CAMTA1: variants seen among roughly 807,000 people sequenced by gnomAD.
CAMTA1 encodes calmodulin-binding transcription activator 1.
CAMTA1 carries 27 observed loss-of-function variants against 170.9 expected under a neutral mutation model. The observed-to-expected ratio is 0.16, with a 90% CI of 0.12 to 0.22. The LOEUF (loss-of-function observed/expected upper bound fraction) is 0.22. Among genes scored for constraint, CAMTA1 ranks in the 10% least tolerant of loss-of-function variants. The pLI, the probability that CAMTA1 is intolerant of heterozygous loss-of-function variation, is 1.00. For missense variants in CAMTA1, 1,619 were observed against 2,217.2 expected, an observed-to-expected ratio of 0.73 and a Z score of 5.42; for synonymous variants, 833 against 891.5, an observed-to-expected ratio of 0.93 and a Z score of 1.17.
chr1:6,822,340 A>G (rs1244211795), intron 2 of CAMTA1, among the ~76,000 whole-genome samples: 2 of 152,212 alleles, frequency 1.3e-5, no homozygotes, highest in African/African-American at 4.8e-5. Context: ...TTTCCAGTGT[A>G]AAATCAAAGT....
chr1:7,220,496 C>G (rs1660557299), intron 4 of CAMTA1, among the ~76,000 whole-genome samples: 2 of 152,140 alleles, frequency 1.3e-5, no homozygotes, highest in Admixed American at 1.3e-4. Context: ...CGGGAGCGTT[C>G]AGATCCCTGA....
At chr1:7,437,998 G>A (rs535768749) in intron 5 of CAMTA1, among the ~76,000 whole-genome samples, 5 of 152,320 alleles carry the variant, frequency 3.3e-5, no homozygotes, top group African/African-American at 9.6e-5. Context: ...GTCACGTGAC[G>A]GGAAATCACA....
intron 9 of CAMTA1, among the ~76,000 whole-genome samples, chr1:7,668,018 A>C (rs1046386938): frequency 2.0e-5 from 3 of 152,136 alleles, no homozygotes; most frequent in African/African-American, 7.2e-5. Flanking sequence ...TGGGTTCTAC[A>C]GGAGAGAGCA....
intron 4 of CAMTA1, among the ~76,000 whole-genome samples, chr1:7,213,839 A>G (rs1010397244): frequency 2.6e-5 from 4 of 151,106 alleles, no homozygotes; most frequent in African/African-American, 4.9e-5. Context: ...ATTCCCACCT[A>G]TGAGTGAGAA....
chr1:7,075,221 G>A (rs568744671), intron 3 of CAMTA1, among the ~76,000 whole-genome samples: 1 of 152,264 alleles, frequency 6.6e-6, no homozygotes, highest in South Asian at 2.1e-4. Context: ...GTAGAAAGAA[G>A]AAACTGGGCC....
intron 4 of CAMTA1, among the ~76,000 whole-genome samples, chr1:7,243,156 G>A (rs2412151): frequency 1.3e-5 from 2 of 151,566 alleles, no homozygotes; most frequent in African/African-American, 4.8e-5. Context: ...TCTCATACGT[G>A]TTAATAGCTG....
chr1:7,028,611 G>A (rs1448435201), intron 3 of CAMTA1, among the ~76,000 whole-genome samples: 2 of 152,184 alleles, frequency 1.3e-5, no homozygotes, highest in Non-Finnish European at 2.9e-5. Flanking sequence ...ACTCTTGGCT[G>A]CCATGCCCCA....
At chr1:7,487,660 C>T (rs765605784) in intron 6 of CAMTA1, among the ~76,000 whole-genome samples, 5 of 152,286 alleles carry the variant, frequency 3.3e-5, no homozygotes, top group African/African-American at 1.2e-4. Flanking sequence ...TCTCTGGTCC[C>T]GCACAGGGCC....
intron 6 of CAMTA1, among the ~76,000 whole-genome samples, chr1:7,499,181 A>T (rs2093915571): frequency 9.1e-6 from 1 of 110,234 alleles, no homozygotes; most frequent in Non-Finnish European, 1.9e-5. Context: ...TGTGTCCATG[A>T]GTGTGCAGAG....
intron 3 of CAMTA1, among the ~76,000 whole-genome samples, chr1:6,846,283 A>C (rs537666274): frequency 6.6e-6 from 1 of 152,242 alleles, no homozygotes; most frequent in African/African-American, 2.4e-5. Context: ...TAAAACTTTC[A>C]TATCAAATCT....
chr1:7,720,337 G>C (rs2096641325), intron 11 of CAMTA1, among the ~76,000 whole-genome samples: 1 of 152,148 alleles, frequency 6.6e-6, no homozygotes, highest in Admixed American at 6.5e-5. Flanking sequence ...CTCTTGAAAA[G>C]GGGGAACATC....
At chr1:7,304,062 AG>A in intron 5 of CAMTA1, among the ~76,000 whole-genome samples, 2 of 134,904 alleles carry the variant, frequency 1.5e-5, no homozygotes, top group East Asian at 4.6e-4. Context: ...GGGCTGGGGG[AG>A]GGGAGGGAGA....
At chr1:7,553,162 CATGA>C (rs930101406) in intron 6 of CAMTA1, among the ~76,000 whole-genome samples, 12 of 151,984 alleles carry the variant, frequency 7.9e-5, no homozygotes, top group Admixed American at 4.6e-4. Flanking sequence ...TGAGTGAATG[CATGA>C]ATGAATGAGT....
At position 7,732,065 on chromosome 1, in the gene CAMTA1, T is replaced by G. The variant is rs1264718686; in HGVS notation, c.2915-383T>G. On this transcript the variant is annotated intron_variant, in intron 11 of 22. Transcript: ENST00000303635. The surrounding 1 kb of genome is among the most constrained non-coding windows in gnomAD (Gnocchi z 4.1). The stretch of plus-strand genomic sequence containing the variant: ...CCTTCCTTTCTTGCTGTGATTGCTT[T>G]CTTCTACTAGTTTAATTTAAATTGT... Among the ~76,000 whole-genome samples, 1 of 152,100 alleles carries G rather than the reference T, an allele frequency of 6.6e-6. No individual in the cohort carries two copies. Among genetic ancestry groups the G allele is most frequent in the Non-Finnish European group, 1.5e-5 (1 of 68,016 alleles).
chr1:6,975,134 A>G (rs1693186409), intron 3 of CAMTA1, among the ~76,000 whole-genome samples: 1 of 152,182 alleles, frequency 6.6e-6, no homozygotes, highest in South Asian at 2.1e-4. Flanking sequence ...CTCGAGTCAC[A>G]CCAGAGCTGG....
At chr1:7,231,397 T>G (rs1662801663) in intron 4 of CAMTA1, among the ~76,000 whole-genome samples, 3 of 151,792 alleles carry the variant, frequency 2.0e-5, no homozygotes, top group Admixed American at 2.0e-4. Context: ...TGAAAGAGTC[T>G]CGCTCTGTCG....
rs1280127289 is a variant in CAMTA1, at chr1:7,562,363, G to T, written c.511-78037G>T. Among the ~76,000 whole-genome samples the T allele has an allele frequency of 6.6e-6, 1 of 152,218 alleles. No homozygotes were observed. Among genetic ancestry groups the T allele is most frequent in the Non-Finnish European group, 1.5e-5 (1 of 68,028 alleles). ...CATCGTTGGGCAGTGTAACTCAGTT[G>T]GGTATCAGGGCTGGTGGCAGCAGCA... On this transcript the variant is annotated intron_variant, in intron 6 of 22. Coordinates refer to ENST00000303635, the MANE Select transcript of CAMTA1 (RefSeq NM_015215.4). This position sits in a 1 kb window ranked among gnomAD's most constrained non-coding sequence, Gnocchi z 4.8.
At chr1:7,636,994 G>A (rs533362167) in intron 6 of CAMTA1, among the ~76,000 whole-genome samples, 10 of 152,346 alleles carry the variant, frequency 6.6e-5, no homozygotes, top group African/African-American at 2.4e-4. Flanking sequence ...AAGGCTTCCT[G>A]GAAGAGGAGG....
intron 5 of CAMTA1, among the ~76,000 whole-genome samples, chr1:7,280,890 G>A (rs941986164): frequency 1.3e-5 from 2 of 152,306 alleles, no homozygotes; most frequent in East Asian, 1.9e-4. Flanking sequence ...GCTGTAACTT[G>A]TACACTTTTT....
Sources: gnomAD v4.1 joint callset for allele counts (sites outside exome capture counted in the v4.1 genomes callset) on GRCh38, gnomAD v4.1.1 for gene constraint, Gnocchi (gnomAD v3.1) non-coding constraint, MANE v1.5 for transcripts, NCBI Gene and HGNC (gene_info 2026-07-23, HGNC 2026-07-21) for gene names.